TBC1D2: variants seen among roughly 807,000 people sequenced by gnomAD.
TBC1D2 encodes TBC1 domain family member 2A.
TBC1D2 carries 58 observed loss-of-function variants against 91.1 expected under a neutral mutation model. The ratio of observed to expected loss-of-function variants is 0.64; its 90% CI spans 0.52 to 0.79. The LOEUF (loss-of-function observed/expected upper bound fraction) is 0.79, where lower values mean the gene tolerates loss of function less well. Among genes scored for constraint, TBC1D2 ranks in the 30% least tolerant of loss-of-function variants. The pLI, the probability that TBC1D2 is intolerant of heterozygous loss-of-function variation, is 0.00. For missense variants in TBC1D2, 1,080 were observed against 1,208.3 expected (o/e 0.89, Z 1.57); for synonymous variants, 482 against 511.5 (o/e 0.94, Z 0.78).
Position 98,250,293 on chromosome 9 carries a change from G to A in TBC1D2, c.511+1492C>T, listed in dbSNP as rs1829845395. On this transcript the variant is annotated intron_variant, in intron 2 of 12. Transcript: ENST00000465784. ...CAGGAGGGATGAGCCCTGAGTGCAG[G>A]AGTGAGGTGGTGGGTGGCATTGGAT... Among the ~76,000 whole-genome samples the A allele has an allele frequency of 5.3e-5, 8 of 151,152 alleles. No homozygotes were observed. In the South Asian group the frequency reaches 1.7e-3, roughly 31 times the overall value.
In TBC1D2 at chr9:98,255,253, T is replaced by TG. The variant is rs1829948824; in HGVS notation, c.288dup (p.Ser97GlnfsTer5). ...TCCGCCTTACAGTCAAACACTGCAC[T>TG]GGAGAGGTCGATGCTGTCCAAGGGA... On this transcript the variant is annotated frameshift_variant, in exon 1 of 13. Transcript: ENST00000465784. LOFTEE classifies it high-confidence loss of function. The TG allele has an allele frequency of 6.8e-6, 11 of 1,614,204 alleles. No homozygotes were observed. The highest frequency in any genetic ancestry group is 9.3e-6 in the Non-Finnish European group (11 of 1,180,024).
intron 2 of TBC1D2, among the ~76,000 whole-genome samples, chr9:98,244,586 G>A (rs1471926398): frequency 6.6e-6 from 1 of 151,138 alleles, no homozygotes; most frequent in Non-Finnish European, 1.5e-5. Flanking sequence ...TTGAACCTGG[G>A]TGGCGGAGGT....
At chr9:98,210,874 C>G (rs746570490) in intron 7 of TBC1D2, 31 bp from the exon 8 acceptor site, 1 of 1,537,272 alleles carries the variant, frequency 6.5e-7, no homozygotes, top group African/African-American at 1.4e-5. Context: ...GTCAGGCTAC[C>G]GGGTGGGAGC....
chr9:98,242,829 T>TG (rs1829678018), intron 3 of TBC1D2, among the ~76,000 whole-genome samples: 1 of 118,244 alleles, frequency 8.5e-6, no homozygotes, highest in East Asian at 2.2e-4. Flanking sequence ...TTTTTTTTTT[T>TG]TGAGACAGGG....
At position 98,200,390 on chromosome 9, in the gene TBC1D2, G is replaced by T; in HGVS notation, c.2458-16C>A. 6.3e-7 allele frequency: 1 copy of T among 1,588,768 alleles called. No individual in the cohort carries two copies. The highest frequency in any genetic ancestry group is 8.6e-7 in the Non-Finnish European group (1 of 1,167,180). On this transcript the variant is annotated splice_polypyrimidine_tract_variant and intron_variant, in intron 11 of 12. Coordinates refer to ENST00000465784, the MANE Select transcript of TBC1D2 (RefSeq NM_001267571.2). ...GAAACACCACCTGGGGGTAGAGTGG[G>T]GGCTCAGGTAGGGCATGGGGGGGCC...
chr9:98,218,490 C>T (rs1270380346), intron 6 of TBC1D2, among the ~76,000 whole-genome samples: 1 of 152,080 alleles, frequency 6.6e-6, no homozygotes, highest in Non-Finnish European at 1.5e-5. Flanking sequence ...TGGCGTGAAC[C>T]TGGGAGGCGG....
chr9:98,199,387 T>G lies in TBC1D2; in HGVS notation c.2781A>C (p.Glu927Asp). The part of the protein sequence containing the change: ...GCASEDEVEG[E>D]A ...GGGAGGGGAGGTGGCCAAGTCAGGC[T>G]TCCCCCTCCACCTCGTCCTCGCTGG... Residue 927 changes from glutamate to aspartate, a missense_variant, in exon 13 of 13, where the codon GAA (glutamate) becomes GAC (aspartate). Transcript: ENST00000465784. 1 of 1,612,874 alleles carries G rather than the reference T, an allele frequency of 6.2e-7. No individual in the cohort carries two copies. Among genetic ancestry groups the G allele is most frequent in the Non-Finnish European group, 8.5e-7 (1 of 1,179,936 alleles).
chr9:98,223,019 A>G (rs1004672737), intron 5 of TBC1D2, among the ~76,000 whole-genome samples: 1 of 152,214 alleles, frequency 6.6e-6, no homozygotes, highest in Non-Finnish European at 1.5e-5. Flanking sequence ...CCAGGCCCTG[A>G]GCCAGGTGCC....
chr9:98,215,242 T>C (rs781353648), intron 6 of TBC1D2, among the ~76,000 whole-genome samples: 1 of 152,214 alleles, frequency 6.6e-6, no homozygotes, highest in Admixed American at 6.5e-5. Flanking sequence ...AGGCCTTTCC[T>C]GGACCACTCC....
At chr9:98,221,265 G>A (rs1366455990) in intron 5 of TBC1D2, 37 bp from the exon 6 acceptor site, 6 of 1,499,798 alleles carry the variant, frequency 4.0e-6, no homozygotes, top group South Asian at 1.3e-5. Flanking sequence ...TGAGCTCAGG[G>A]AGGGCCTGCT....
chr9:98,213,120 G>A lies in TBC1D2; in HGVS notation c.1473C>T (p.Ala491=). Residue 491 remains alanine (A), a synonymous_variant, in exon 7 of 13, where the codon GCC becomes GCT. Transcript: ENST00000465784. ...IWRKVAEKEK[A]LLTKCAYLQA... Reference sequence around the variant, plus strand: ...CCCCACCCCGCACCTTCGTCAGAAGGGCCTTCTCCTTCTCAGCCACCTTTC... The same window carrying A: ...CCCCACCCCGCACCTTCGTCAGAAGAGCCTTCTCCTTCTCAGCCACCTTTC... 3 of 1,614,120 alleles carry A rather than the reference G, an allele frequency of 1.9e-6. No homozygotes were observed. Among genetic ancestry groups the A allele is most frequent in the African/African-American group, 1.3e-5 (1 of 75,032 alleles).
At chr9:98,230,449 T>C (rs1417166897) in intron 4 of TBC1D2, among the ~76,000 whole-genome samples, 1 of 152,198 alleles carries the variant, frequency 6.6e-6, no homozygotes, top group Non-Finnish European at 1.5e-5. Flanking sequence ...TACCTATTTC[T>C]TGGGACTAAA....
At chr9:98,208,625 C>A in intron 9 of TBC1D2, 43 bp downstream of exon 9, 1 of 1,506,566 alleles carries the variant, frequency 6.6e-7, no homozygotes, top group South Asian at 1.4e-5. Flanking sequence ...ACCTGCGCTC[C>A]AAAAGGTAAA....
chr9:98,213,061 A>T, intron 7 of TBC1D2, 47 bp downstream of exon 7: 1 of 1,604,056 alleles, frequency 6.2e-7, no homozygotes, highest in Non-Finnish European at 8.5e-7. Flanking sequence ...GGGGACCAGC[A>T]GAGGGGCCAG....
intron 6 of TBC1D2, among the ~76,000 whole-genome samples, chr9:98,218,410 CAA>C (rs201684507): frequency 6.6e-6 from 1 of 150,798 alleles, no homozygotes; most frequent in Non-Finnish European, 1.5e-5. Context: ...ACTAAAAATA[CAA>C]AAAAATTAGC....
At chr9:98,219,372 T>C (rs911182092) in intron 6 of TBC1D2, among the ~76,000 whole-genome samples, 2 of 152,244 alleles carry the variant, frequency 1.3e-5, no homozygotes, top group Admixed American at 1.3e-4. Context: ...CTGATTTCTT[T>C]TTTTTTCTTT....
chr9:98,252,963 T>A (rs545309901), intron 1 of TBC1D2, among the ~76,000 whole-genome samples: 6 of 152,126 alleles, frequency 3.9e-5, no homozygotes, highest in African/African-American at 1.4e-4. Context: ...ATCAATAAGA[T>A]AAATGATGCC....
At chr9:98,243,221 T>G (rs980855874) in intron 3 of TBC1D2, among the ~76,000 whole-genome samples, 2 of 152,156 alleles carry the variant, frequency 1.3e-5, no homozygotes, top group Non-Finnish European at 2.9e-5. Context: ...AGTAATTTGA[T>G]GCTTTTGACA....
intron 11 of TBC1D2, 142 bp from the exon 12 acceptor site, chr9:98,200,516 G>T (rs1828464323): frequency 3.1e-6 from 2 of 640,790 alleles, no homozygotes; most frequent in Non-Finnish European, 2.7e-6. Context: ...CAATGTGTGG[G>T]GATAGGCTCC....
Sources: allele counts gnomAD v4.1 joint callset (sites outside exome capture counted in the v4.1 genomes callset), GRCh38; gene constraint gnomAD v4.1.1; transcripts MANE v1.5; gene names NCBI Gene and HGNC (gene_info 2026-07-23, HGNC 2026-07-21).